MYO5B: variants seen among roughly 807,000 people sequenced by gnomAD.
MYO5B encodes unconventional myosin-Vb.
Under a neutral mutation model 229.3 loss-of-function variants are expected in MYO5B, and 143 were observed. The observed-to-expected ratio is 0.62, with a 90% CI of 0.54 to 0.72. The LOEUF (loss-of-function observed/expected upper bound fraction) is 0.72. Ranked by LOEUF, MYO5B falls within the 30% of genes least tolerant of loss-of-function variation. MYO5B has a pLI of 0.00. For synonymous variants in MYO5B, 918 were observed against 885.2 expected (o/e 1.04, Z -0.66); for missense variants, 2,321 against 2,331.0 (o/e 1.00, Z 0.09).
intron 32 of MYO5B, 139 bp from the exon 33 acceptor site, chr18:49,847,428 G>A (rs2024144211): frequency 4.8e-6 from 5 of 1,052,234 alleles, no homozygotes; most frequent in African/African-American, 4.7e-5. Flanking sequence ...TGGCACCTGG[G>A]GCAGGGGGCA....
intron 1 of MYO5B, among the ~76,000 whole-genome samples, chr18:50,069,866 C>T (rs1403618637): frequency 2.6e-5 from 4 of 152,148 alleles, no homozygotes; most frequent in Non-Finnish European, 5.9e-5. Context: ...CAACCAATCA[C>T]CAAGACCTGT....
chr18:50,160,907 C>T (rs2032755510), intron 1 of MYO5B, among the ~76,000 whole-genome samples: 1 of 152,166 alleles, frequency 6.6e-6, no homozygotes, highest in South Asian at 2.1e-4. Flanking sequence ...CCATTCTGAG[C>T]TCATTCTCTC....
chr18:49,942,325 AAATGGGATCT>A (rs370029492), intron 14 of MYO5B, among the ~76,000 whole-genome samples: 1 of 150,764 alleles, frequency 6.6e-6, no homozygotes, highest in Admixed American at 6.6e-5. Flanking sequence ...ACAAAAGCAA[AAATGGGATCT>A]AATTGACAAA....
At chr18:50,131,604 A>G (rs572130767) in intron 1 of MYO5B, among the ~76,000 whole-genome samples, 1 of 152,270 alleles carries the variant, frequency 6.6e-6, no homozygotes, top group African/African-American at 2.4e-5. Context: ...TATCATCATA[A>G]GTATTATTAT....
At chr18:50,137,214 A>G (rs1372735065) in intron 1 of MYO5B, among the ~76,000 whole-genome samples, 3 of 152,268 alleles carry the variant, frequency 2.0e-5, no homozygotes, top group Admixed American at 6.5e-5. Flanking sequence ...GAGGCACTCC[A>G]GGTTCCCCTG....
At position 49,920,458 on chromosome 18, in the gene MYO5B, A is replaced by T. The variant is rs187150394; in HGVS notation, c.2091-8285T>A. On this transcript the variant is annotated intron_variant, in intron 17 of 39. Transcript: ENST00000285039. ...ACCCAGCACTCACACCATCAGAAAC[A>T]CTCCATGTTTGCCTTTCCTTTTATC... 3.9e-3 allele frequency among the ~76,000 whole-genome samples: 587 copies of T among 152,034 alleles called. 1 individual carries two copies. The highest frequency in any genetic ancestry group is 6.9e-3 in the Non-Finnish European group (472 of 67,958).
At chr18:50,148,010 C>T (rs531634765) in intron 1 of MYO5B, among the ~76,000 whole-genome samples, 8 of 151,152 alleles carry the variant, frequency 5.3e-5, no homozygotes, top group African/African-American at 1.2e-4. Context: ...ATATCACCAC[C>T]GATCCCACAG....
intron 24 of MYO5B, 70 bp downstream of exon 24, chr18:49,878,875 G>A: frequency 6.4e-7 from 1 of 1,565,032 alleles, no homozygotes; most frequent in Non-Finnish European, 8.8e-7. Flanking sequence ...CAGTGCCTGA[G>A]ATCACGTGGT....
chr18:50,096,083 C>T (rs1305794409), intron 1 of MYO5B, among the ~76,000 whole-genome samples: 1 of 152,188 alleles, frequency 6.6e-6, no homozygotes, highest in Non-Finnish European at 1.5e-5. Flanking sequence ...CCATGTCTAA[C>T]TAGGGGGACC....
At chr18:49,981,852 C>G (rs1430519463) in intron 8 of MYO5B, among the ~76,000 whole-genome samples, 2 of 152,138 alleles carry the variant, frequency 1.3e-5, no homozygotes, top group South Asian at 2.1e-4. Context: ...ACTGAATACA[C>G]CTGGTGAAAG....
At chr18:49,994,647 A>C (rs1356945780) in intron 5 of MYO5B, among the ~76,000 whole-genome samples, 3 of 152,198 alleles carry the variant, frequency 2.0e-5, no homozygotes, top group Non-Finnish European at 4.4e-5. Context: ...CCTAACTGGA[A>C]GAGTTTACGT....
intron 1 of MYO5B, among the ~76,000 whole-genome samples, chr18:50,107,832 C>T (rs890987363): frequency 1.3e-5 from 2 of 152,182 alleles, no homozygotes; most frequent in Admixed American, 6.5e-5. Flanking sequence ...CATAACCATG[C>T]CCCCAAGAAG....
rs1487641455 is a variant in MYO5B, at chr18:49,936,181, G to T, written c.2003+71C>A. The stretch of plus-strand genomic sequence containing the variant: ...TGAAGGCCACAGACCCCCAGGCAAG[G>T]CCTGGGCCACCCTGTTCCACCTGAA... On this transcript the variant is annotated intron_variant, in intron 16 of 39. Coordinates refer to ENST00000285039, the MANE Select transcript of MYO5B (RefSeq NM_001080467.3). The T allele has an allele frequency of 7.3e-6, 10 of 1,362,142 alleles. No individual in the cohort carries two copies. In the African/African-American group the frequency reaches 1.3e-4, roughly 18 times the overall value. 84.4% of individuals were successfully genotyped at this position (1,362,142 alleles called of 1,614,324 possible).
chr18:50,149,431 A>T (rs2032559055), intron 1 of MYO5B, among the ~76,000 whole-genome samples: 1 of 152,104 alleles, frequency 6.6e-6, no homozygotes, highest in African/African-American at 2.4e-5. Flanking sequence ...CTGACTTCAA[A>T]CTATACTACA....
intron 1 of MYO5B, among the ~76,000 whole-genome samples, chr18:50,067,379 C>A (rs530163656): frequency 1.3e-5 from 2 of 152,192 alleles, no homozygotes; most frequent in African/African-American, 2.4e-5. Flanking sequence ...TCAACCCAAA[C>A]CTGAGCAGCA....
intron 1 of MYO5B, among the ~76,000 whole-genome samples, chr18:50,134,269 C>T (rs112473786): frequency 0.021 from 3,171 of 151,978 alleles, 104 homozygotes; most frequent in African/African-American, 0.073. Context: ...TAAAAATAGC[C>T]GCGTGGCAGG....
chr18:49,924,667 A>G (rs1474838110), intron 17 of MYO5B, among the ~76,000 whole-genome samples: 1 of 152,160 alleles, frequency 6.6e-6, no homozygotes. Flanking sequence ...GGATGGTAAC[A>G]CTTCCTGCAC....
At chr18:50,055,460 C>A in intron 1 of MYO5B, 82 bp from the exon 2 acceptor site, 1 of 1,145,950 alleles carries the variant, frequency 8.7e-7, no homozygotes, top group Non-Finnish European at 1.3e-6. Context: ...TAGAAAGTGC[C>A]CATCAGGAGA....
intron 2 of MYO5B, among the ~76,000 whole-genome samples, chr18:50,049,783 A>G (rs1411528637): frequency 1.3e-5 from 2 of 152,202 alleles, no homozygotes; most frequent in African/African-American, 4.8e-5. Context: ...TCTAATCTGA[A>G]GCAGCTGGGC....
Sources: allele counts gnomAD v4.1 joint callset (sites outside exome capture counted in the v4.1 genomes callset), GRCh38; gene constraint gnomAD v4.1.1; transcripts MANE v1.5; gene names NCBI Gene and HGNC (gene_info 2026-07-23, HGNC 2026-07-21).